Variants in FOXP2 observed in about 807,000 individuals in gnomAD.
The protein encoded by FOXP2 is forkhead box P2, also known as forkhead box protein P2.
A neutral mutation model predicts 115.8 loss-of-function variants in FOXP2; 12 were observed. The ratio of observed to expected loss-of-function variants is 0.10; its 90% CI spans 0.07 to 0.17. The LOEUF is 0.17. FOXP2 is among the 10% of genes least tolerant of loss of function. FOXP2 has a pLI of 1.00. For synonymous variants in FOXP2, 328 were observed against 297.7 expected (o/e 1.10, Z -1.05); for missense variants, 629 against 843.5 (o/e 0.75, Z 3.15).
At chr7:114,263,326 C>T (rs1197415836) in intron 1 of FOXP2, among the ~76,000 whole-genome samples, 1 of 151,710 alleles carries the variant, frequency 6.6e-6, no homozygotes, top group African/African-American at 2.4e-5. Context: ...TATAGATTAC[C>T]AATTCCTTTA....
rs115979992 is a variant in FOXP2 at position 114,501,148 on chromosome 7, G to T, written c.169-33469G>T. Among the ~76,000 whole-genome samples, 286 of 152,190 alleles carry T rather than the reference G, an allele frequency of 1.9e-3. 1 individual carries two copies. The highest frequency in any genetic ancestry group is 6.6e-3 in the African/African-American group (275 of 41,546). On this transcript the variant is annotated intron_variant, in intron 2 of 16. Transcript: ENST00000350908. The stretch of plus-strand genomic sequence containing the variant: ...TAACCCAACAGAACTACAGATGCTT[G>T]CCTCAGAGACTAAAGGTACACTAAA...
At chr7:114,328,240 T>TTTTC (rs1797609270) in intron 2 of FOXP2, among the ~76,000 whole-genome samples, 1 of 137,040 alleles carries the variant, frequency 7.3e-6, no homozygotes, top group African/African-American at 3.2e-5. Flanking sequence ...TTTCTTTTTT[T>TTTTC]TTTTTTTTTT....
At chr7:114,667,864 G>A (rs540969317) in intron 16 of FOXP2, 1 of 152,210 alleles carries the variant, frequency 6.6e-6, no homozygotes, top group South Asian at 2.1e-4. Flanking sequence ...GGGAGAGACT[G>A]GAAGCAGAAA....
intron 3 of FOXP2, among the ~76,000 whole-genome samples, chr7:114,582,332 C>T (rs552633908): frequency 6.6e-6 from 1 of 152,214 alleles, no homozygotes; most frequent in Non-Finnish European, 1.5e-5. Context: ...CCATTATATC[C>T]TTCTCCCGCA....
intron 2 of FOXP2, among the ~76,000 whole-genome samples, chr7:114,333,387 A>G (rs1171807870): frequency 6.6e-6 from 1 of 152,174 alleles, no homozygotes; most frequent in African/African-American, 2.4e-5. Context: ...AATTTTTTTC[A>G]GTGACTGTAA....
Position 114,692,342 on chromosome 7 carries a change from A to C in FOXP2, c.*2416A>C, listed in dbSNP as rs1266881257. ...TAGAGTTTTGCATGGGTTTTATATG[A>C]ATACAATTTTAAAAAATAGCTGCTT... On this transcript the variant is annotated 3_prime_UTR_variant, in exon 17 of 17. Coordinates refer to ENST00000350908, the MANE Select transcript of FOXP2 (RefSeq NM_014491.4). The C allele has an allele frequency of 6.6e-6, 3 of 453,820 alleles. No homozygotes were observed. Among genetic ancestry groups the C allele is most frequent in the Non-Finnish European group, 1.3e-5 (3 of 226,704 alleles). The allele number at this position is 453,820 out of a possible 1,614,324, so 28.1% of individuals were successfully genotyped here. A position where few individuals can be genotyped will look rare whatever the true frequency, so the allele number is the denominator to read the frequency against.
At chr7:114,550,645 A>G (rs1427704204) in intron 3 of FOXP2, among the ~76,000 whole-genome samples, 3 of 152,080 alleles carry the variant, frequency 2.0e-5, no homozygotes, top group African/African-American at 7.2e-5. Flanking sequence ...ACTCTGATAC[A>G]CTCTAGTGAT....
intron 1 of FOXP2, among the ~76,000 whole-genome samples, chr7:114,275,287 T>C (rs1307688456): frequency 1.3e-5 from 2 of 152,150 alleles, no homozygotes; most frequent in African/African-American, 4.8e-5. Flanking sequence ...GTATTCCCAT[T>C]ATGTGTATAT....
chr7:114,427,614 C>G (rs946456097), intron 2 of FOXP2, among the ~76,000 whole-genome samples: 2 of 151,436 alleles, frequency 1.3e-5, no homozygotes, highest in African/African-American at 4.8e-5. Context: ...GCCTAAAAAT[C>G]ATTAAAATTA....
chr7:114,668,501 T>A (rs1159136286), intron 16 of FOXP2: 5 of 152,142 alleles, frequency 3.3e-5, no homozygotes, highest in Non-Finnish European at 5.9e-5. Flanking sequence ...TTACCTAAAT[T>A]CTACCTTTCC....
At chr7:114,228,535 A>G (rs1243632060) in intron 1 of FOXP2, among the ~76,000 whole-genome samples, 1 of 152,074 alleles carries the variant, frequency 6.6e-6, no homozygotes, top group East Asian at 1.9e-4. Context: ...CAGTCCTCAC[A>G]AAATAAGTGG....
At chr7:114,565,894 C>G (rs1800997581) in intron 3 of FOXP2, among the ~76,000 whole-genome samples, 1 of 152,214 alleles carries the variant, frequency 6.6e-6, no homozygotes, top group African/African-American at 2.4e-5. Context: ...CTGTGATCCA[C>G]TTGTCTTGTG....
intron 3 of FOXP2, chr7:114,561,405 A>G (rs1047558106): frequency 2.6e-5 from 4 of 152,222 alleles, no homozygotes; most frequent in Admixed American, 2.6e-4. Flanking sequence ...GTGAAGACTC[A>G]CTAATTTATG....
At chr7:114,112,702 C>T (rs1791304255) in intron 1 of FOXP2, among the ~76,000 whole-genome samples, 1 of 152,118 alleles carries the variant, frequency 6.6e-6, no homozygotes, top group Non-Finnish European at 1.5e-5. Flanking sequence ...AATAGGGAGG[C>T]TCCAGTGGAA....
intron 3 of FOXP2, among the ~76,000 whole-genome samples, chr7:114,606,710 T>G (rs1161616798): frequency 6.6e-6 from 1 of 152,150 alleles, no homozygotes; most frequent in African/African-American, 2.4e-5. Flanking sequence ...AAGAACATTC[T>G]TACAAATAAA....
chr7:114,304,684 A>C (rs1036944009), intron 2 of FOXP2, among the ~76,000 whole-genome samples: 7 of 150,046 alleles, frequency 4.7e-5, no homozygotes, highest in South Asian at 2.1e-4. Flanking sequence ...AAAAAAAAAA[A>C]AAAAAAAAAA....
intron 1 of FOXP2, among the ~76,000 whole-genome samples, chr7:114,221,656 A>G (rs973530417): frequency 1.3e-5 from 2 of 152,090 alleles, no homozygotes; most frequent in African/African-American, 4.8e-5. Context: ...TACTGTACTA[A>G]AGCATCCTAT....
chr7:114,320,191 C>T (rs1316899612), intron 2 of FOXP2, among the ~76,000 whole-genome samples: 2 of 152,212 alleles, frequency 1.3e-5, no homozygotes, highest in Admixed American at 1.3e-4. Flanking sequence ...ACTGCTTGCA[C>T]TGGACTACCC....
intron 1 of FOXP2, among the ~76,000 whole-genome samples, chr7:114,153,192 G>T (rs995279552): frequency 1.3e-5 from 2 of 151,928 alleles, no homozygotes; most frequent in Admixed American, 6.6e-5. Context: ...TTAAAGAAAG[G>T]GTAGAATAAA....
Sources: gnomAD v4.1 joint callset for allele counts (sites outside exome capture counted in the v4.1 genomes callset) on GRCh38, gnomAD v4.1.1 for gene constraint, MANE v1.5 for transcripts, NCBI Gene and HGNC (gene_info 2026-07-23, HGNC 2026-07-21) for gene names.